Variants in CDH12 observed in about 807,000 individuals in gnomAD.
The protein encoded by CDH12 is cadherin 12, also known as cadherin-12.
CDH12 carries 41 observed loss-of-function variants against 74.1 expected under a neutral mutation model. The ratio of observed to expected loss-of-function variants is 0.55; its 90% CI spans 0.43 to 0.72. CDH12 has a LOEUF of 0.72. Among genes scored for constraint, CDH12 ranks in the 30% least tolerant of loss-of-function variants. The pLI, the probability that CDH12 is intolerant of heterozygous loss-of-function variation, is 0.00. For synonymous variants in CDH12, 399 were observed against 355.0 expected, an observed-to-expected ratio of 1.12 and a Z score of -1.39; for missense variants, 945 against 977.2, an observed-to-expected ratio of 0.97 and a Z score of 0.44.
chr5:21,902,471 A>G (rs1251961385), intron 6 of CDH12, among the ~76,000 whole-genome samples: 1 of 152,092 alleles, frequency 6.6e-6, no homozygotes, highest in Non-Finnish European at 1.5e-5. Flanking sequence ...AACAGACTTA[A>G]TGCAGAATCC....
intron 3 of CDH12, among the ~76,000 whole-genome samples, chr5:22,349,015 C>T (rs1367598420): frequency 6.6e-6 from 1 of 152,128 alleles, no homozygotes; most frequent in East Asian, 1.9e-4. Flanking sequence ...GTGATTAAGT[C>T]ATAAGAGTAG....
rs539042342 is a variant in CDH12 at position 21,874,118 on chromosome 5, C to T, written c.527-19328G>A. On this transcript the variant is annotated intron_variant, in intron 6 of 14. Transcript: ENST00000382254. Reference sequence around the variant, plus strand: ...TGATTTATATTCCTTTGGGTATATACCCAGTAATGGGATTGCTGGGTCAGA... The same window carrying T: ...TGATTTATATTCCTTTGGGTATATATCCAGTAATGGGATTGCTGGGTCAGA... 2.6e-5 allele frequency among the ~76,000 whole-genome samples: 4 copies of T among 152,200 alleles called. No homozygotes were observed. The East Asian group carries it at 5.8e-4, about 22-fold the overall frequency.
chr5:22,693,319 T>C (rs1220012251), intron 1 of CDH12, among the ~76,000 whole-genome samples: 2 of 152,136 alleles, frequency 1.3e-5, no homozygotes, highest in African/African-American at 2.4e-5. Context: ...GTAGACAGCA[T>C]TGAGCAAAAA....
Position 21,878,788 on chromosome 5 carries a change from AG to A in CDH12, c.527-23999del, listed in dbSNP as rs760509824. ...AGAAAGAAAGAAAAGAAAGAAAAAA[AG>A]AAAGAAAGAAAGAAGAAAGAAAGAA... On this transcript the variant is annotated intron_variant, in intron 6 of 14. Transcript: ENST00000382254. Among the ~76,000 whole-genome samples, 161 of 79,384 alleles carry A rather than the reference AG, an allele frequency of 2.0e-3. 1 individual carries two copies. The highest frequency in any genetic ancestry group is 4.7e-3 in the Non-Finnish European group (120 of 25,660). The allele number at this position is 79,384 out of a possible 152,430, so 52.1% of individuals were successfully genotyped here.
chr5:22,750,119 A>G (rs1745490348), intron 1 of CDH12, among the ~76,000 whole-genome samples: 1 of 152,156 alleles, frequency 6.6e-6, no homozygotes, highest in Non-Finnish European at 1.5e-5. Flanking sequence ...TATAGTAGAT[A>G]TATTTGATTT....
chr5:22,100,482 C>T (rs1018829361), intron 4 of CDH12, among the ~76,000 whole-genome samples: 2 of 152,066 alleles, frequency 1.3e-5, no homozygotes, highest in Non-Finnish European at 1.5e-5. Context: ...ACAAGTCTCA[C>T]GAGACATTTT....
chr5:22,517,882 G>A (rs935423785), intron 1 of CDH12, among the ~76,000 whole-genome samples: 1 of 152,052 alleles, frequency 6.6e-6, no homozygotes, highest in African/African-American at 2.4e-5. Context: ...TGGGTTCTGG[G>A]GGAGAAAATA....
chr5:22,275,838 C>T (rs980047016), intron 3 of CDH12, among the ~76,000 whole-genome samples: 3 of 152,092 alleles, frequency 2.0e-5, no homozygotes, highest in African/African-American at 4.8e-5. Context: ...CACTGAAATG[C>T]AATCTGAAGG....
intron 2 of CDH12, among the ~76,000 whole-genome samples, chr5:22,454,337 T>A (rs1234931533): frequency 6.6e-6 from 1 of 152,188 alleles, no homozygotes; most frequent in African/African-American, 2.4e-5. Context: ...ATTTTAAAAG[T>A]GTCACTTAAA....
chr5:22,443,713 G>T (rs1442377113), intron 2 of CDH12, among the ~76,000 whole-genome samples: 1 of 152,068 alleles, frequency 6.6e-6, no homozygotes, highest in Non-Finnish European at 1.5e-5. Flanking sequence ...AATGCAACCT[G>T]ATTAAAACAA....
At chr5:22,227,556 T>G (rs1270919794) in intron 3 of CDH12, among the ~76,000 whole-genome samples, 1 of 152,152 alleles carries the variant, frequency 6.6e-6, no homozygotes, top group Non-Finnish European at 1.5e-5. Context: ...CTTGAAACCT[T>G]AGCTAGTATA....
chr5:21,888,773 A>G (rs1312615539), intron 6 of CDH12, among the ~76,000 whole-genome samples: 1 of 152,008 alleles, frequency 6.6e-6, no homozygotes, highest in African/African-American at 2.4e-5. Context: ...ATTTAACAAT[A>G]TATATTGATA....
At chr5:22,297,124 C>T (rs1450485795) in intron 3 of CDH12, among the ~76,000 whole-genome samples, 8 of 151,980 alleles carry the variant, frequency 5.3e-5, no homozygotes, top group African/African-American at 1.4e-4. Flanking sequence ...CGGGTTCAAG[C>T]GATTCTCTTG....
intron 3 of CDH12, among the ~76,000 whole-genome samples, chr5:22,244,772 G>GAAAC (rs1385386921): frequency 8.1e-6 from 1 of 123,536 alleles, no homozygotes; most frequent in African/African-American, 3.0e-5. Flanking sequence ...AAGAAAGAAA[G>GAAAC]AAAGAAAGAA....
At chr5:22,574,390 AT>A (rs888485766) in intron 1 of CDH12, among the ~76,000 whole-genome samples, 1 of 150,920 alleles carries the variant, frequency 6.6e-6, no homozygotes, top group Non-Finnish European at 1.5e-5. Context: ...CTATTCCTTT[AT>A]TTTTTTCCAT....
chr5:21,944,336 A>C (rs1561318073), intron 6 of CDH12, among the ~76,000 whole-genome samples: 1 of 152,152 alleles, frequency 6.6e-6, no homozygotes, highest in Non-Finnish European at 1.5e-5. Context: ...AACCATAGTC[A>C]ATCCCAATAC....
intron 3 of CDH12, among the ~76,000 whole-genome samples, chr5:22,268,808 C>A (rs1188003412): frequency 2.0e-5 from 3 of 151,976 alleles, no homozygotes; most frequent in Non-Finnish European, 4.4e-5. Context: ...TTATTGAGCA[C>A]CTCCTATATA....
At chr5:22,601,908 C>T (rs1230360473) in intron 1 of CDH12, among the ~76,000 whole-genome samples, 1 of 151,968 alleles carries the variant, frequency 6.6e-6, no homozygotes, top group Non-Finnish European at 1.5e-5. Flanking sequence ...TAGAAGCTTT[C>T]TCAAAAATTT....
At chr5:22,465,258 G>A (rs527928084) in intron 2 of CDH12, among the ~76,000 whole-genome samples, 5 of 152,174 alleles carry the variant, frequency 3.3e-5, no homozygotes, top group Non-Finnish European at 5.9e-5. Context: ...TATCTATGCT[G>A]TCTCCCAAAT....
Sources: allele counts gnomAD v4.1 joint callset (sites outside exome capture counted in the v4.1 genomes callset), GRCh38; gene constraint gnomAD v4.1.1; transcripts MANE v1.5; gene names NCBI Gene and HGNC (gene_info 2026-07-23, HGNC 2026-07-21).